Variants in KIAA1328 observed in about 807,000 individuals in gnomAD.
The protein encoded by KIAA1328 is protein hinderin.
A neutral mutation model predicts 68.1 loss-of-function variants in KIAA1328; 52 were observed. The observed-to-expected ratio is 0.76, with a 90% confidence interval of 0.61 to 0.96. The LOEUF (loss-of-function observed/expected upper bound fraction) is 0.96, where lower values mean the gene tolerates loss of function less well. Among genes scored for constraint, KIAA1328 ranks in the 40% least tolerant of loss-of-function variants. The probability of loss-of-function intolerance (pLI) is 0.00; values close to 1 mark genes in which losing one functional copy is unlikely to be tolerated. For missense variants in KIAA1328, 641 were observed against 677.6 expected, an observed-to-expected ratio of 0.95 and a Z score of 0.60; for synonymous variants, 232 against 239.4, an observed-to-expected ratio of 0.97 and a Z score of 0.28.
At chr18:36,878,522 T>C (rs1342620252) in intron 4 of KIAA1328, among the ~76,000 whole-genome samples, 1 of 152,192 alleles carries the variant, frequency 6.6e-6, no homozygotes, top group African/African-American at 2.4e-5. Flanking sequence ...AATATCTTTG[T>C]GGTGTTCTGT....
intron 6 of KIAA1328, among the ~76,000 whole-genome samples, chr18:37,014,454 A>T (rs2054081008): frequency 6.6e-6 from 1 of 152,120 alleles, no homozygotes; most frequent in Non-Finnish European, 1.5e-5. Context: ...TTCTTCTAGG[A>T]TTCTGTATTA....
In KIAA1328 at chr18:36,890,693, T is replaced by C. The variant is rs372214416; in HGVS notation, c.448+5021T>C. On this transcript the variant is annotated intron_variant, in intron 5 of 9. Transcript: ENST00000280020. The stretch of plus-strand genomic sequence containing the variant: ...CTCAAAAATAAAGTAAACCTAACAG[T>C]AATGTACAAAACCTTTATGAGGAAC... 1.4e-4 allele frequency among the ~76,000 whole-genome samples: 21 copies of C among 152,162 alleles called. No homozygotes were observed. In the East Asian group the frequency reaches 3.5e-3, roughly 25 times the overall value.
intron 5 of KIAA1328, among the ~76,000 whole-genome samples, chr18:36,949,603 C>CT (rs568645574): frequency 2.1e-5 from 2 of 95,474 alleles, no homozygotes; most frequent in African/African-American, 7.8e-5. Context: ...CAGCTCCCCC[C>CT]CCCCCACCCC....
intron 7 of KIAA1328, among the ~76,000 whole-genome samples, chr18:37,083,917 T>C (rs2057023180): frequency 6.6e-6 from 1 of 152,246 alleles, no homozygotes; most frequent in African/African-American, 2.4e-5. Context: ...TAATCTTCCC[T>C]ACCTTTCCTT....
At chr18:36,895,415 T>G (rs1370314471) in intron 5 of KIAA1328, among the ~76,000 whole-genome samples, 1 of 152,160 alleles carries the variant, frequency 6.6e-6, no homozygotes, top group Non-Finnish European at 1.5e-5. Context: ...GGCGTCTATG[T>G]GAAGGGATGT....
At chr18:37,120,265 T>C (rs2058234492) in intron 7 of KIAA1328, among the ~76,000 whole-genome samples, 1 of 152,148 alleles carries the variant, frequency 6.6e-6, no homozygotes, top group Non-Finnish European at 1.5e-5. Flanking sequence ...TAAGAAAAGA[T>C]AGGATTGCAA....
chr18:37,223,511 G>T lies in KIAA1328; in HGVS notation c.*1284G>T. The T allele has an allele frequency of 1.0e-6, 1 of 985,402 alleles. No individual in the cohort carries two copies. Among genetic ancestry groups the T allele is most frequent in the Non-Finnish European group, 1.2e-6 (1 of 829,932 alleles). 61.0% of individuals were successfully genotyped at this position (985,402 alleles called of 1,614,324 possible). On this transcript the variant is annotated 3_prime_UTR_variant, in exon 10 of 10. Transcript: ENST00000280020. ...CAGTCATTGAAAGCAAGGGGAGGGT[G>T]TGTTCCCAGATGTGTATTACTTGGG...
intron 7 of KIAA1328, among the ~76,000 whole-genome samples, chr18:37,152,866 A>T (rs1402442029): frequency 1.3e-5 from 2 of 152,152 alleles, no homozygotes; most frequent in African/African-American, 4.8e-5. Context: ...AGCCTGAAAA[A>T]TCGAGTTGCA....
chr18:37,092,459 G>T (rs2151836407), intron 7 of KIAA1328, among the ~76,000 whole-genome samples: 1 of 151,984 alleles, frequency 6.6e-6, no homozygotes, highest in East Asian at 2.0e-4. Context: ...TGGCACTTGT[G>T]CACACAATCT....
intron 7 of KIAA1328, among the ~76,000 whole-genome samples, chr18:37,141,554 G>A (rs1048087064): frequency 6.6e-6 from 1 of 152,194 alleles, no homozygotes; most frequent in Admixed American, 6.5e-5. Flanking sequence ...CTGAGCTGCT[G>A]TGAACATTTG....
At chr18:36,889,597 A>G (rs1460717754) in intron 5 of KIAA1328, among the ~76,000 whole-genome samples, 2 of 152,216 alleles carry the variant, frequency 1.3e-5, no homozygotes, top group East Asian at 3.9e-4. Flanking sequence ...CCCTTGGGAA[A>G]GTTACTGAAC....
At chr18:36,906,240 CA>C in intron 5 of KIAA1328, among the ~76,000 whole-genome samples, 1 of 152,140 alleles carries the variant, frequency 6.6e-6, no homozygotes, top group Middle Eastern at 3.4e-3. Context: ...CACTTTTTTG[CA>C]GCAAAATTGT....
rs534442740 is a variant in KIAA1328, at chr18:36,960,756, G to C, written c.576+1321G>C. Among the ~76,000 whole-genome samples the C allele has an allele frequency of 1.2e-4, 19 of 152,248 alleles. No homozygotes were observed. In the South Asian group the frequency reaches 3.5e-3, roughly 28 times the overall value. ...TAGAAGGAAAACTAACAAACAGAAAGGAATATCATCAACATCAACAAAAAG... is the reference window on the plus strand; with the variant it reads ...TAGAAGGAAAACTAACAAACAGAAACGAATATCATCAACATCAACAAAAAG... On this transcript the variant is annotated intron_variant, in intron 6 of 9. Coordinates refer to ENST00000280020, the MANE Select transcript of KIAA1328 (RefSeq NM_020776.3).
At chr18:37,022,818 A>G (rs1353908151) in intron 6 of KIAA1328, among the ~76,000 whole-genome samples, 1 of 152,214 alleles carries the variant, frequency 6.6e-6, no homozygotes, top group Admixed American at 6.5e-5. Flanking sequence ...TTGTATGGAC[A>G]GATGAGAATC....
chr18:37,016,652 T>A (rs1300436497), intron 6 of KIAA1328, among the ~76,000 whole-genome samples: 1 of 152,180 alleles, frequency 6.6e-6, no homozygotes, highest in East Asian at 1.9e-4. Context: ...AAACTCAATA[T>A]TGTTCTGTTC....
chr18:36,851,601 C>T (rs1468332511), intron 4 of KIAA1328, among the ~76,000 whole-genome samples: 4 of 145,382 alleles, frequency 2.8e-5, no homozygotes, highest in Middle Eastern at 3.5e-3. Context: ...TACAATTGTT[C>T]ATAGTATTCT....
intron 6 of KIAA1328, among the ~76,000 whole-genome samples, chr18:37,032,324 ACAC>A (rs1431729205): frequency 6.6e-6 from 1 of 152,208 alleles, no homozygotes; most frequent in Non-Finnish European, 1.5e-5. Flanking sequence ...TGTGTTGTAT[ACAC>A]CACAATTTTA....
intron 5 of KIAA1328, among the ~76,000 whole-genome samples, chr18:36,933,321 C>T (rs1245590443): frequency 6.6e-6 from 1 of 152,158 alleles, no homozygotes; most frequent in Non-Finnish European, 1.5e-5. Flanking sequence ...GAGATAACCC[C>T]CTCACCAGAT....
intron 6 of KIAA1328, among the ~76,000 whole-genome samples, chr18:37,027,325 A>G (rs915113845): frequency 6.6e-6 from 1 of 152,216 alleles, no homozygotes; most frequent in Non-Finnish European, 1.5e-5. Flanking sequence ...TGCCATCCCC[A>G]TCAAGCTACC....
Sources: allele counts gnomAD v4.1 joint callset (sites outside exome capture counted in the v4.1 genomes callset), GRCh38; gene constraint gnomAD v4.1.1; transcripts MANE v1.5; gene names NCBI Gene and HGNC (gene_info 2026-07-23, HGNC 2026-07-21).